TAF1: variants seen among roughly 807,000 people sequenced by gnomAD.
TAF1 encodes the protein transcription initiation factor TFIID subunit 1.
TAF1 carries 2 observed loss-of-function variants against 138.5 expected under a neutral mutation model. The ratio of observed to expected loss-of-function variants is 0.01; its 90% CI spans 0.01 to 0.05. The LOEUF (loss-of-function observed/expected upper bound fraction) is 0.05. Among genes scored for constraint, TAF1 ranks in the 10% least tolerant of loss-of-function variants. The probability of loss-of-function intolerance (pLI) is 1.00; values close to 1 mark genes in which losing one functional copy is unlikely to be tolerated. For missense variants in TAF1, 709 were observed against 1,478.0 expected (o/e 0.48, Z 8.53); for synonymous variants, 437 against 503.2 (o/e 0.87, Z 1.76).
chrX:71,453,068 A>G (rs1402169716), intron 32 of TAF1, among the ~76,000 whole-genome samples: 2 of 110,316 alleles, frequency 1.8e-5, no homozygotes, highest in Non-Finnish European at 3.8e-5. Flanking sequence ...AGGGAGAGGG[A>G]GACCGTGGGG....
intron 13 of TAF1, among the ~76,000 whole-genome samples, chrX:71,483,610 T>C (rs1401272811): frequency 1.9e-5 from 2 of 107,011 alleles, no homozygotes; most frequent in African/African-American, 6.8e-5. Context: ...AACAAATAAA[T>C]AAATACATAA....
intron 3 of TAF1, among the ~76,000 whole-genome samples, chrX:71,369,576 T>C (rs889631154): frequency 9.0e-6 from 1 of 110,880 alleles, no homozygotes; most frequent in Admixed American, 9.6e-5. Context: ...GCACTTGTTA[T>C]GTACTCTAAA....
intron 37 of TAF1, among the ~76,000 whole-genome samples, chrX:71,463,248 A>AT (rs1412036342): frequency 9.0e-6 from 1 of 111,035 alleles, no homozygotes; most frequent in Non-Finnish European, 1.9e-5. Context: ...GTATATTCTA[A>AT]TTTTTTTAAC....
intron 32 of TAF1, among the ~76,000 whole-genome samples, chrX:71,447,551 A>G (rs988172587): frequency 2.8e-4 from 31 of 110,334 alleles, no homozygotes; most frequent in African/African-American, 1.0e-3. Flanking sequence ...AAAAAATTAG[A>G]TGGGTGTGGT....
chrX:71,501,724 G>C (rs2039513152), intron 13 of TAF1, among the ~76,000 whole-genome samples: 1 of 111,531 alleles, frequency 9.0e-6, no homozygotes, highest in African/African-American at 3.3e-5. Context: ...AGAGTTGGGG[G>C]TTGTTACAGA....
At chrX:71,456,632 G>A (rs1229655165) in intron 34 of TAF1, among the ~76,000 whole-genome samples, 11 of 91,312 alleles carry the variant, frequency 1.2e-4, no homozygotes, top group Non-Finnish European at 1.9e-4. Flanking sequence ...AAATGGTGGT[G>A]GTCAATAATG....
intron 13 of TAF1, among the ~76,000 whole-genome samples, chrX:71,515,320 C>A (rs1293792173): frequency 9.0e-6 from 1 of 111,653 alleles, no homozygotes; most frequent in Non-Finnish European, 1.9e-5. Flanking sequence ...AGTTTATGCT[C>A]TTTAATGTCC....
At chrX:71,513,926 G>A (rs772217234) in intron 13 of TAF1, among the ~76,000 whole-genome samples, 1 of 111,339 alleles carries the variant, frequency 9.0e-6, no homozygotes, top group East Asian at 2.8e-4. Flanking sequence ...CCAGCACTCT[G>A]TAAAATGGAC....
At chrX:71,505,442 G>T (rs2039604349) in intron 13 of TAF1, among the ~76,000 whole-genome samples, 1 of 111,842 alleles carries the variant, frequency 8.9e-6, no homozygotes, top group Non-Finnish European at 1.9e-5. Context: ...ACAGTGGAAA[G>T]TCATGTTGAT....
intron 7 of TAF1, 98 bp downstream of exon 7, chrX:71,378,551 G>A: frequency 2.0e-6 from 2 of 1,013,779 alleles, no homozygotes; most frequent in African/African-American, 1.9e-5. Flanking sequence ...GGGTGGTAGG[G>A]TTTCTTTGGT....
intron 17 of TAF1, 57 bp downstream of exon 17, chrX:71,388,925 C>G (rs750574135): frequency 6.0e-5 from 62 of 1,027,355 alleles, no homozygotes; most frequent in Non-Finnish European, 8.2e-5. Flanking sequence ...TTTTTTTTTT[C>G]TTCCCCCCAG....
intron 37 of TAF1, among the ~76,000 whole-genome samples, chrX:71,463,033 G>A (rs1040901208): frequency 2.7e-5 from 3 of 111,674 alleles, no homozygotes; most frequent in Non-Finnish European, 5.6e-5. Flanking sequence ...TGCTATAGAC[G>A]TTATGTTTAT....
intron 24 of TAF1, among the ~76,000 whole-genome samples, chrX:71,399,567 CTTTTTTT>C (rs35622645): frequency 7.6e-4 from 22 of 28,941 alleles, no homozygotes; most frequent in Admixed American, 1.4e-3. Flanking sequence ...GTTATTTATT[CTTTTTTT>C]TTTTTTTTTT....
chrX:71,494,518 G>C (rs1424252057), intron 13 of TAF1, among the ~76,000 whole-genome samples: 1 of 112,003 alleles, frequency 8.9e-6, no homozygotes, highest in African/African-American at 3.2e-5. Context: ...TTTATGTGTG[G>C]CCCAAGACAA....
Position 71,366,514 on chromosome X carries a change from GGTA to G in TAF1, c.120+22_120+24del. 1 of 976,652 alleles carries G rather than the reference GGTA, an allele frequency of 1.0e-6. No individual in the cohort carries two copies. 80.5% of individuals were successfully genotyped at this position (976,652 alleles called of 1,213,427 possible). On this transcript the variant is annotated intron_variant, in intron 1 of 37. Coordinates refer to ENST00000423759, the MANE Select transcript of TAF1 (RefSeq NM_004606.5). ...GATGATGTGAGGGGGTGGGCGTGGG[GGTA>G]GGGCTCGGGGGGTGGGGCTAAGCAG...
chrX:71,508,565 G>A (rs774331887), intron 13 of TAF1, among the ~76,000 whole-genome samples: 55 of 95,781 alleles, frequency 5.7e-4, no homozygotes, highest in Non-Finnish European at 9.4e-4. Flanking sequence ...TGATCACACC[G>A]CTGCACTCCA....
At chrX:71,377,463 C>T (rs2033558662) in intron 5 of TAF1, 140 bp from the exon 6 acceptor site, 7 of 836,854 alleles carry the variant, frequency 8.4e-6, no homozygotes, top group Admixed American at 4.0e-5. Flanking sequence ...CTTTCTTAGA[C>T]GTTACAAGTC....
chrX:71,524,144 C>T (rs997374035), intron 13 of TAF1, among the ~76,000 whole-genome samples: 2 of 108,702 alleles, frequency 1.8e-5, no homozygotes, highest in African/African-American at 6.7e-5. Context: ...ACCTCAGCCT[C>T]CCGAGTAGCT....
intron 28 of TAF1, among the ~76,000 whole-genome samples, chrX:71,417,492 G>C (rs2036081042): frequency 9.1e-6 from 1 of 110,216 alleles, no homozygotes; most frequent in Admixed American, 9.7e-5. Flanking sequence ...GAGTAGCTGG[G>C]ACCACAGGTG....
Sources: gnomAD v4.1 joint callset for allele counts (sites outside exome capture counted in the v4.1 genomes callset) on GRCh38, gnomAD v4.1.1 for gene constraint, MANE v1.5 for transcripts, NCBI Gene and HGNC (gene_info 2026-07-23, HGNC 2026-07-21) for gene names.